MPDZ: variants seen among roughly 807,000 people sequenced by gnomAD.
MPDZ encodes the protein multiple PDZ domain protein.
A neutral mutation model predicts 239.1 loss-of-function variants in MPDZ; 234 were observed. That is an observed-to-expected ratio of 0.98 (90% confidence interval 0.88 to 1.09). The LOEUF is 1.09. Among genes scored for constraint, MPDZ ranks in the 50% least tolerant of loss-of-function variants. The pLI is 0.00. For synonymous variants in MPDZ, 1,048 were observed against 881.3 expected (o/e 1.19, Z -3.35); for missense variants, 3,175 against 2,510.0 (o/e 1.26, Z -5.66).
At chr9:13,237,961 G>C (rs576532546) in intron 3 of MPDZ, among the ~76,000 whole-genome samples, 1 of 152,140 alleles carries the variant, frequency 6.6e-6, no homozygotes, top group African/African-American at 2.4e-5. Context: ...TAGACAAATA[G>C]ATTTTCCTGT....
chr9:13,196,035 T>C (rs1955602118), intron 13 of MPDZ, 86 bp downstream of exon 13: 7 of 828,876 alleles, frequency 8.4e-6, no homozygotes, highest in Non-Finnish European at 1.3e-5. Context: ...TCTCTGGAAC[T>C]CTAATGATTG....
chr9:13,136,320 G>GTTTTTTTT lies in MPDZ; in HGVS notation c.4293-139_4293-138insAAAAAAAA, dbSNP rs1444109820. ...CTGTGACACTTACAAATTTACAAAC[G>GTTTTTTTT]TTTTCTTTTTTTTTTTTTTTTTTTT... On this transcript the variant is annotated intron_variant, in intron 30 of 46. Coordinates refer to ENST00000319217, the MANE Select transcript of MPDZ (RefSeq NM_001378778.1). 468 of 194,566 alleles carry GTTTTTTTT rather than the reference G, an allele frequency of 2.4e-3. 28 individuals are homozygous for GTTTTTTTT. The highest frequency in any genetic ancestry group is 3.9e-3 in the African/African-American group (59 of 15,154). The allele number at this position is 194,566 out of a possible 1,614,324, so 12.1% of individuals were successfully genotyped here.
chr9:13,267,782 T>G (rs1458537553), intron 1 of MPDZ, among the ~76,000 whole-genome samples: 1 of 152,136 alleles, frequency 6.6e-6, no homozygotes, highest in Non-Finnish European at 1.5e-5. Context: ...CTGAGATGAT[T>G]TGGAAAACTC....
At chr9:13,242,750 G>A (rs1965729470) in intron 3 of MPDZ, among the ~76,000 whole-genome samples, 1 of 152,034 alleles carries the variant, frequency 6.6e-6, no homozygotes, top group Non-Finnish European at 1.5e-5. Context: ...GATAATATAG[G>A]TCTGCATGGG....
intron 19 of MPDZ, among the ~76,000 whole-genome samples, chr9:13,183,075 T>C (rs1016875779): frequency 6.6e-6 from 1 of 152,078 alleles, no homozygotes; most frequent in African/African-American, 2.4e-5. Context: ...ATTAAGAAAA[T>C]AAAGTTATTC....
At chr9:13,263,533 T>C (rs913431588) in intron 1 of MPDZ, among the ~76,000 whole-genome samples, 2 of 152,010 alleles carry the variant, frequency 1.3e-5, no homozygotes, top group African/African-American at 4.8e-5. Context: ...CTAAAGGAAA[T>C]ATTATGAAAA....
intron 39 of MPDZ, among the ~76,000 whole-genome samples, chr9:13,117,101 GGAT>G (rs1189685141): frequency 1.4e-4 from 21 of 151,890 alleles, no homozygotes; most frequent in African/African-American, 4.6e-4. Context: ...AGACATAAGA[GGAT>G]AATAAAATAG....
chr9:13,224,646 T>A (rs551956550), intron 3 of MPDZ, 63 bp from the exon 4 acceptor site: 12 of 1,116,890 alleles, frequency 1.1e-5, no homozygotes, highest in Non-Finnish European at 1.5e-5. Flanking sequence ...ATAGAAAATA[T>A]CCCAAGGGTA....
rs140725057 is a variant in MPDZ, at chr9:13,189,866, GA to G, written c.2154+247del. Among the ~76,000 whole-genome samples, 1,014 of 151,790 alleles carry G rather than the reference GA, an allele frequency of 6.7e-3. 12 individuals are homozygous for G. The highest frequency in any genetic ancestry group is 0.023 in the African/African-American group (952 of 41,410). ...ATAGCATAAGCACTTCCCAAATAAC[GA>G]AAAAACACCCACTATGATATTCCTA... On this transcript the variant is annotated intron_variant, in intron 16 of 46. Coordinates refer to ENST00000319217, the MANE Select transcript of MPDZ (RefSeq NM_001378778.1).
rs869272418 is a variant in MPDZ at position 13,136,325 on chromosome 9, CTTTTTTTT to C, written c.4293-151_4293-144del. On this transcript the variant is annotated intron_variant, in intron 30 of 46. Coordinates refer to ENST00000319217, the MANE Select transcript of MPDZ (RefSeq NM_001378778.1). ...ACACTTACAAATTTACAAACGTTTT[CTTTTTTTT>C]TTTTTTTTTTTTTTTTGAGACAGAG... 1.3e-3 allele frequency: 196 copies of C among 156,678 alleles called. 2 individuals are homozygous for C. The highest frequency in any genetic ancestry group is 3.9e-3 in the East Asian group (18 of 4,622). 9.7% of individuals were successfully genotyped at this position (156,678 alleles called of 1,614,324 possible). A position where few individuals can be genotyped will look rare whatever the true frequency, so the allele number is the denominator to read the frequency against.
At chr9:13,266,513 A>AT (rs1459389692) in intron 1 of MPDZ, among the ~76,000 whole-genome samples, 42 of 152,282 alleles carry the variant, frequency 2.8e-4, no homozygotes, top group African/African-American at 9.4e-4. Flanking sequence ...AGAACCCTTA[A>AT]ATTCAGCAGA....
chr9:13,143,203 A>T (rs1947959353), intron 27 of MPDZ, among the ~76,000 whole-genome samples: 1 of 152,132 alleles, frequency 6.6e-6, no homozygotes, highest in Admixed American at 6.6e-5. Flanking sequence ...ATGACACCAA[A>T]ATGAAAGAAA....
chr9:13,113,828 T>C (rs1942909547), intron 41 of MPDZ, 103 bp downstream of exon 41: 2 of 862,110 alleles, frequency 2.3e-6, no homozygotes, highest in Non-Finnish European at 1.8e-6. Context: ...TATTTGGATA[T>C]GGGATGATTT....
chr9:13,136,609 A>G (rs1197232194), intron 30 of MPDZ, 103 bp downstream of exon 30: 1 of 796,330 alleles, frequency 1.3e-6, no homozygotes, highest in African/African-American at 1.7e-5. Flanking sequence ...TACAGGCATG[A>G]GCCAGCATGC....
At chr9:13,267,580 G>T (rs1228884390) in intron 1 of MPDZ, among the ~76,000 whole-genome samples, 2 of 152,134 alleles carry the variant, frequency 1.3e-5, no homozygotes, top group Admixed American at 6.5e-5. Context: ...AAGCAGAAAT[G>T]AATTTGAAAA....
At chr9:13,243,206 A>G (rs1965824926) in intron 3 of MPDZ, among the ~76,000 whole-genome samples, 1 of 152,078 alleles carries the variant, frequency 6.6e-6, no homozygotes, top group Non-Finnish European at 1.5e-5. Flanking sequence ...CCATCTTATT[A>G]TTCTTTGTAT....
At chr9:13,109,084 G>A (rs1432866558) in intron 45 of MPDZ, 25 bp from the exon 46 acceptor site, 2 of 1,354,718 alleles carry the variant, frequency 1.5e-6, no homozygotes, top group Non-Finnish European at 9.5e-7. Flanking sequence ...AGGAAAAAGA[G>A]GTTTTAAATT....
chr9:13,200,507 G>C (rs1956255811), intron 12 of MPDZ, among the ~76,000 whole-genome samples: 1 of 151,838 alleles, frequency 6.6e-6, no homozygotes, highest in Non-Finnish European at 1.5e-5. Context: ...TTCATAATTA[G>C]TTTGTTTATT....
At chr9:13,264,530 C>A (rs1008201479) in intron 1 of MPDZ, among the ~76,000 whole-genome samples, 2 of 152,092 alleles carry the variant, frequency 1.3e-5, no homozygotes, top group Non-Finnish European at 2.9e-5. Flanking sequence ...GAACCCTGGA[C>A]TGCTGGACTA....
Sources: allele counts gnomAD v4.1 joint callset (sites outside exome capture counted in the v4.1 genomes callset), GRCh38; gene constraint gnomAD v4.1.1; transcripts MANE v1.5; gene names NCBI Gene and HGNC (gene_info 2026-07-23, HGNC 2026-07-21).